Variants in CFTR observed in about 807,000 individuals in gnomAD.
CFTR encodes the protein cystic fibrosis transmembrane conductance regulator.
In CFTR, 181 loss-of-function variants were observed where a neutral mutation model predicts 171.6. That is an observed-to-expected ratio of 1.05 (90% CI 0.93 to 1.19). The LOEUF is 1.19. CFTR is among the 50% of genes most tolerant of loss of function. The probability of loss-of-function intolerance (pLI) is 0.00; values close to 1 mark genes in which losing one functional copy is unlikely to be tolerated. For synonymous variants in CFTR, 583 were observed against 608.0 expected, an observed-to-expected ratio of 0.96 and a Z score of 0.60; for missense variants, 1,968 against 1,734.7, an observed-to-expected ratio of 1.13 and a Z score of -2.39.
rs397508725 is a variant in CFTR, at chr7:117,531,098, G to A, written c.473G>A (p.Ser158Asn). ...ATGCAGATGAGAATAGCTATGTTTA[G>A]TTTGATTTATAAGAAGGTAATACTT... ...IGMQMRIAMF[S>N]LIYKKTLKLS... Residue 158 changes from serine (S) to asparagine (N), a missense_variant, in exon 4 of 27, where the codon AGT becomes AAT. Coordinates refer to ENST00000003084, the MANE Select transcript of CFTR (RefSeq NM_000492.4). 2.6e-5 allele frequency: 42 copies of A among 1,612,832 alleles called. No homozygotes were observed. In the South Asian group the frequency reaches 4.6e-4, roughly 18 times the overall value.
chr7:117,480,172 C>T (rs375766474), intron 1 of CFTR, 25 bp downstream of exon 1: 7 of 1,612,030 alleles, frequency 4.3e-6, no homozygotes. Context: ...AACCGAGCTT[C>T]GGAAAGACAC....
intron 18 of CFTR, 45 bp from the exon 19 acceptor site, chr7:117,610,474 A>G (rs1272821176): frequency 1.3e-6 from 2 of 1,555,826 alleles, no homozygotes; most frequent in South Asian, 1.1e-5. Context: ...CCACTTTGCA[A>G]TGTGAAAATG....
At chr7:117,612,023 GTATATATATATA>G (rs772661286) in intron 20 of CFTR, among the ~76,000 whole-genome samples, 3 of 53,242 alleles carry the variant, frequency 5.6e-5, no homozygotes, top group Non-Finnish European at 9.6e-5. Flanking sequence ...ATATATATAT[GTATATATATATA>G]TATATATATA....
intron 11 of CFTR, among the ~76,000 whole-genome samples, chr7:117,580,882 C>G (rs1791839651): frequency 6.6e-6 from 1 of 152,062 alleles, no homozygotes; most frequent in East Asian, 1.9e-4. Flanking sequence ...ATTCAATTAG[C>G]AACAAGTGTG....
At chr7:117,547,983 C>T (rs1175487743) in intron 9 of CFTR, among the ~76,000 whole-genome samples, 8 of 152,162 alleles carry the variant, frequency 5.3e-5, no homozygotes, top group Non-Finnish European at 1.2e-4. Context: ...GACCACTATG[C>T]TAAAGCTTCC....
chr7:117,487,484 T>C (rs992509985), intron 1 of CFTR, among the ~76,000 whole-genome samples: 1 of 152,144 alleles, frequency 6.6e-6, no homozygotes, highest in African/African-American at 2.4e-5. Context: ...ATCATAGAAA[T>C]TCAATGTGGT....
At chr7:117,515,831 C>A (rs1417112112) in intron 3 of CFTR, among the ~76,000 whole-genome samples, 1 of 152,116 alleles carries the variant, frequency 6.6e-6, no homozygotes, top group East Asian at 1.9e-4. Context: ...TTTCCTTGAG[C>A]AGTGGTTTGT....
At chr7:117,612,052 T>TATA (rs1379044306) in intron 20 of CFTR, among the ~76,000 whole-genome samples, 1 of 70,892 alleles carries the variant, frequency 1.4e-5, no homozygotes, top group African/African-American at 7.1e-5. Context: ...TATATATATA[T>TATA]ACATATATAT....
At chr7:117,550,518 C>A (rs1411760554) in intron 10 of CFTR, among the ~76,000 whole-genome samples, 2 of 152,014 alleles carry the variant, frequency 1.3e-5, no homozygotes, top group African/African-American at 2.4e-5. Flanking sequence ...TTATTACTAG[C>A]AGTGTTCACT....
At chr7:117,545,288 C>T (rs1648216194) in intron 9 of CFTR, among the ~76,000 whole-genome samples, 1 of 152,188 alleles carries the variant, frequency 6.6e-6, no homozygotes, top group African/African-American at 2.4e-5. Context: ...GTCCCTCCCA[C>T]AACACATGGG....
At chr7:117,634,367 A>G (rs955780321) in intron 22 of CFTR, among the ~76,000 whole-genome samples, 1 of 151,964 alleles carries the variant, frequency 6.6e-6, no homozygotes, top group African/African-American at 2.4e-5. Flanking sequence ...TTTGTGTCAC[A>G]TCTTTTATTT....
intron 2 of CFTR, among the ~76,000 whole-genome samples, chr7:117,508,805 T>G (rs1301190567): frequency 6.6e-6 from 1 of 152,236 alleles, no homozygotes; most frequent in African/African-American, 2.4e-5. Context: ...CAATGTGGCC[T>G]TTTCATGAAA....
intron 10 of CFTR, among the ~76,000 whole-genome samples, chr7:117,550,274 G>A (rs1799246176): frequency 6.6e-6 from 1 of 151,642 alleles, no homozygotes; most frequent in Non-Finnish European, 1.5e-5. Context: ...CCTGAGAAGT[G>A]GAGGCTGCAG....
At chr7:117,596,991 A>G (rs1206021344) in intron 15 of CFTR, among the ~76,000 whole-genome samples, 1 of 152,194 alleles carries the variant, frequency 6.6e-6, no homozygotes, top group East Asian at 1.9e-4. Flanking sequence ...AGCTCTCTGT[A>G]AAACCAATCT....
Position 117,535,825 on chromosome 7 carries a change from C to T in CFTR, c.743+414C>T, listed in dbSNP as rs755511764. 6.6e-5 allele frequency among the ~76,000 whole-genome samples: 10 copies of T among 152,054 alleles called. No homozygotes were observed. In the East Asian group the frequency reaches 9.6e-4, roughly 15 times the overall value. ...CTGATATTACAGGCATGAGCTACCG[C>T]GCCCGGCCTAAAAAATACTTTTTAA... is the stretch of plus-strand genomic sequence containing the variant. On this transcript the variant is annotated intron_variant, in intron 6 of 26. Transcript: ENST00000003084.
intron 23 of CFTR, among the ~76,000 whole-genome samples, chr7:117,648,893 G>C (rs1793037030): frequency 1.3e-5 from 2 of 151,946 alleles, no homozygotes; most frequent in African/African-American, 4.8e-5. Context: ...AGTTTGTTCA[G>C]TTAAATTTTT....
In CFTR at chr7:117,504,014, T is replaced by A. The variant is rs373705228; in HGVS notation, c.54-239T>A. 9.8e-5 allele frequency among the ~76,000 whole-genome samples: 15 copies of A among 152,324 alleles called. No homozygotes were observed. The South Asian group carries it at 3.1e-3, about 32-fold the overall frequency. On this transcript the variant is annotated intron_variant, in intron 1 of 26. Coordinates refer to ENST00000003084, the MANE Select transcript of CFTR (RefSeq NM_000492.4). ...TTTTTCCCTGGGAAAAACCATACTA[T>A]TATTCCCTCCCAATCCCTTTGACAA...
In CFTR at chr7:117,531,015, C is replaced by G. The variant is rs1411911535; in HGVS notation, c.390C>G (p.Leu130=). 1.9e-6 allele frequency: 3 copies of G among 1,613,776 alleles called. No individual in the cohort carries two copies. Among genetic ancestry groups the G allele is most frequent in the East Asian group, 2.2e-5 (1 of 44,870 alleles). ...ATCTAGGCATAGGCTTATGCCTTCT[C>G]TTTATTGTGAGGACACTGCTCCTAC... ...AIYLGIGLCL[L]FIVRTLLLHP... Residue 130 remains leucine (L), a synonymous_variant, in exon 4 of 27, where the codon CTC becomes CTG. Transcript: ENST00000003084.
intron 12 of CFTR, among the ~76,000 whole-genome samples, chr7:117,589,303 C>G (rs769576196): frequency 5.3e-5 from 8 of 152,058 alleles, no homozygotes; most frequent in Middle Eastern, 3.4e-3. Flanking sequence ...AAATAAGTTA[C>G]ACTATAAAGG....
Sources: allele counts gnomAD v4.1 joint callset (sites outside exome capture counted in the v4.1 genomes callset), GRCh38; gene constraint gnomAD v4.1.1; transcripts MANE v1.5; gene names NCBI Gene and HGNC (gene_info 2026-07-23, HGNC 2026-07-21).